CAND1: variants seen among roughly 807,000 people sequenced by gnomAD.
The protein encoded by CAND1 is cullin-associated NEDD8-dissociated protein 1.
Under a neutral mutation model 108.5 loss-of-function variants are expected in CAND1, and 7 were observed. The observed-to-expected ratio is 0.06, with a 90% CI of 0.04 to 0.12. The LOEUF (loss-of-function observed/expected upper bound fraction) is 0.12, where lower values mean the gene tolerates loss of function less well. CAND1 is among the 10% of genes least tolerant of loss of function. The pLI is 1.00. For missense variants in CAND1, 941 were observed against 1,448.7 expected (o/e 0.65, Z 5.69); for synonymous variants, 534 against 512.0 (o/e 1.04, Z -0.58).
chr12:67,311,970 G>A (rs1453877035), intron 14 of CAND1, among the ~76,000 whole-genome samples, 170 bp downstream of exon 14: 2 of 151,974 alleles, frequency 1.3e-5, no homozygotes, highest in Non-Finnish European at 2.9e-5. Context: ...CCCTGTTAAC[G>A]GCTATTCTTA....
chr12:67,286,773 T>C (rs1468672608), intron 2 of CAND1, among the ~76,000 whole-genome samples: 1 of 152,206 alleles, frequency 6.6e-6, no homozygotes, highest in Non-Finnish European at 1.5e-5. Flanking sequence ...CAAATAAGAT[T>C]TCTGATTTTA....
At position 67,315,557 on chromosome 12, in the gene CAND1, C is replaced by T. The variant is rs569162059; in HGVS notation, c.*2727C>T. The T allele has an allele frequency of 6.7e-4, 101 of 150,334 alleles. No individual in the cohort carries two copies. The highest frequency in any genetic ancestry group is 2.4e-3 in the African/African-American group (98 of 40,672). 9.3% of individuals were successfully genotyped at this position (150,334 alleles called of 1,614,324 possible). A position where few individuals can be genotyped will look rare whatever the true frequency, so the allele number is the denominator to read the frequency against. ...CACTGAATGATAATTTTTTTAATGA[C>T]AGTCATGTATTTTATTAATGATATC... On this transcript the variant is annotated 3_prime_UTR_variant, in exon 15 of 15. Coordinates refer to ENST00000545606, the MANE Select transcript of CAND1 (RefSeq NM_018448.5).
chr12:67,305,387 T>G lies in CAND1; in HGVS notation c.1719T>G (p.Ile573Met). The stretch of plus-strand genomic sequence containing the variant: ...TCAAAGATCTATTTACCTGTACCAT[T>G]AAGAGATTAAAAGCAGCTGACATTG... Reference protein sequence around the residue: ...PYIKDLFTCTIKRLKAADIDQ... With the variant: ...PYIKDLFTCTMKRLKAADIDQ... The change falls in exon 10 of 15, where the codon ATT becomes ATG. Residue 573 changes from isoleucine (I) to methionine (M), a missense_variant. Physicochemically the swap from Ile to Met is conservative, Grantham distance 10. This residue lies in a region of CAND1 where 697 missense variants were observed against 942.0 expected (regional missense o/e 0.74). Coordinates refer to ENST00000545606, the MANE Select transcript of CAND1 (RefSeq NM_018448.5). This position sits in a 1 kb window ranked among gnomAD's most constrained non-coding sequence, Gnocchi z 4.4. 1 of 1,614,052 alleles carries G rather than the reference T, an allele frequency of 6.2e-7. No individual in the cohort carries two copies. Among genetic ancestry groups the G allele is most frequent in the South Asian group, 1.1e-5 (1 of 91,080 alleles).
chr12:67,307,662 G>A (rs369812954), intron 11 of CAND1, among the ~76,000 whole-genome samples, 170 bp downstream of exon 11: 4 of 151,948 alleles, frequency 2.6e-5, no homozygotes, highest in African/African-American at 9.7e-5. Flanking sequence ...TGCCTGTATT[G>A]TTTGTAATTA....
At chr12:67,311,598 C>A in intron 13 of CAND1, 95 bp from the exon 14 acceptor site, 1 of 448,286 alleles carries the variant, frequency 2.2e-6, no homozygotes, top group Non-Finnish European at 3.8e-6. Flanking sequence ...ACTTTGCATG[C>A]TAGTTATTTT....
intron 13 of CAND1, 29 bp downstream of exon 13, chr12:67,310,345 GT>G: frequency 6.6e-7 from 1 of 1,513,442 alleles, no homozygotes; most frequent in Non-Finnish European, 9.0e-7. Context: ...TTTATACAAT[GT>G]TTTAGAAGAA....
Position 67,304,658 on chromosome 12 carries a change from G to A in CAND1, c.1347G>A (p.Lys449=). The A allele has an allele frequency of 6.2e-7, 1 of 1,613,882 alleles. No individual in the cohort carries two copies. ...AACAGATGAAAGAAAAAAGTGTGAA[G>A]ACCCGACAGTGTTGTTTTAACATGT... ...LHKQMKEKSV[K]TRQCCFNMLT... is the part of the protein sequence containing the mutation. The change falls in exon 9 of 15, where the codon AAG becomes AAA. Residue 449 remains lysine (K), a synonymous_variant. Coordinates refer to ENST00000545606, the MANE Select transcript of CAND1 (RefSeq NM_018448.5).
chr12:67,269,564 G>T lies in CAND1; in HGVS notation c.-154G>T, dbSNP rs1421982549. On this transcript the variant is annotated 5_prime_UTR_variant, in exon 1 of 15. The change creates a new upstream start codon in the 5' untranslated region. Coordinates refer to ENST00000545606, the MANE Select transcript of CAND1 (RefSeq NM_018448.5). Reference sequence around the variant, plus strand: ...CGCCAGGGAGGGGGCAGCCCGTCGAGGCGCCTCCCTAGTCAGCGTCGGCGT... The same window carrying T: ...CGCCAGGGAGGGGGCAGCCCGTCGATGCGCCTCCCTAGTCAGCGTCGGCGT... 12 of 613,680 alleles carry T rather than the reference G, an allele frequency of 2.0e-5. No homozygotes were observed. The South Asian group carries it at 2.5e-4, about 13-fold the overall frequency. The allele number at this position is 613,680 out of a possible 1,614,324, so 38.0% of individuals were successfully genotyped here.
intron 11 of CAND1, 27 bp from the exon 12 acceptor site, chr12:67,309,874 T>G: frequency 2.0e-6 from 3 of 1,527,724 alleles, no homozygotes; most frequent in Non-Finnish European, 2.7e-6. Flanking sequence ...ATCATGTCTG[T>G]CTGTTGCTTT....
In CAND1 at chr12:67,319,626, C is replaced by T. The variant is rs1221088220; in HGVS notation, c.*6796C>T. On this transcript the variant is annotated 3_prime_UTR_variant, in exon 15 of 15. Transcript: ENST00000545606. The stretch of plus-strand genomic sequence containing the variant: ...TCCTCCATACCATTGCTGATGGTTA[C>T]TGAGGGTATGGGAAGGGCCGACTAG... 1 of 152,214 alleles carries T rather than the reference C, an allele frequency of 6.6e-6. No individual in the cohort carries two copies. The highest frequency in any genetic ancestry group is 1.5e-5 in the Non-Finnish European group (1 of 68,040). The allele number at this position is 152,214 out of a possible 1,614,324, so 9.4% of individuals were successfully genotyped here.
At chr12:67,289,594 C>T (rs1430562127) in intron 2 of CAND1, among the ~76,000 whole-genome samples, 1 of 152,160 alleles carries the variant, frequency 6.6e-6, no homozygotes, top group Non-Finnish European at 1.5e-5. Context: ...ACCATGTTGC[C>T]CAGGCTGGGC....
rs1188874944 is a variant in CAND1 at position 67,314,522 on chromosome 12, G to A, written c.*1692G>A. 6.6e-6 allele frequency: 1 copy of A among 152,198 alleles called. No homozygotes were observed. The highest frequency in any genetic ancestry group is 1.5e-5 in the Non-Finnish European group (1 of 68,026). 9.4% of individuals were successfully genotyped at this position (152,198 alleles called of 1,614,324 possible). ...TTATTTTGAGATGTTAGTATATTAT[G>A]TACTATGCATTTCTGTGGTATAGAT... is the stretch of plus-strand genomic sequence containing the variant. On this transcript the variant is annotated 3_prime_UTR_variant, in exon 15 of 15. Transcript: ENST00000545606.
chr12:67,292,860 G>C, intron 3 of CAND1, 84 bp downstream of exon 3: 1 of 1,338,374 alleles, frequency 7.5e-7, no homozygotes, highest in Non-Finnish European at 1.1e-6. Flanking sequence ...TGGCCAAGGA[G>C]GGAGGGAGGT....
Position 67,316,618 on chromosome 12 carries a change from G to C in CAND1, c.*3788G>C, listed in dbSNP as rs753471803. ...GTTTCAGAATGATATTTAGTAGACA[G>C]AAATACCTAATTTTGTTTTGGAATC... On this transcript the variant is annotated 3_prime_UTR_variant, in exon 15 of 15. Coordinates refer to ENST00000545606, the MANE Select transcript of CAND1 (RefSeq NM_018448.5). The C allele has an allele frequency of 6.6e-6, 1 of 152,150 alleles. No homozygotes were observed. The highest frequency in any genetic ancestry group is 1.5e-5 in the Non-Finnish European group (1 of 68,030). The allele number at this position is 152,150 out of a possible 1,614,324, so 9.4% of individuals were successfully genotyped here.
chr12:67,296,043 C>T (rs1289363776), intron 4 of CAND1, among the ~76,000 whole-genome samples: 3 of 151,916 alleles, frequency 2.0e-5, no homozygotes, highest in Admixed American at 6.6e-5. Flanking sequence ...AAGTAGTATG[C>T]GAATGGGGAA....
chr12:67,303,303 C>T (rs910499258), intron 8 of CAND1, among the ~76,000 whole-genome samples: 15 of 152,114 alleles, frequency 9.9e-5, no homozygotes, highest in African/African-American at 2.9e-4. Context: ...CAGATATTGC[C>T]AGGGATTAAA....
chr12:67,293,012 T>G (rs1421226357), intron 3 of CAND1: 1 of 437,246 alleles, frequency 2.3e-6, no homozygotes, highest in Non-Finnish European at 4.1e-6. Flanking sequence ...TGAAGGATTT[T>G]TATATGTTGG....
At chr12:67,277,408 TAAA>T (rs2044579557) in intron 1 of CAND1, among the ~76,000 whole-genome samples, 3 of 152,290 alleles carry the variant, frequency 2.0e-5, no homozygotes, top group Admixed American at 6.5e-5. Context: ...TCACAGCCAA[TAAA>T]GAAGCTTATC....
chr12:67,269,633 G>A lies in CAND1; in HGVS notation c.-85G>A. The stretch of plus-strand genomic sequence containing the variant: ...GCGGGAGCCGCCGCGAGCGAGAGGA[G>A]GAGCTCCAGTGGCGGCGGCGGCGGC... On this transcript the variant is annotated 5_prime_UTR_variant, in exon 1 of 15. Coordinates refer to ENST00000545606, the MANE Select transcript of CAND1 (RefSeq NM_018448.5). 8.3e-7 allele frequency: 1 copy of A among 1,202,390 alleles called. No individual in the cohort carries two copies. Among genetic ancestry groups the A allele is most frequent in the Non-Finnish European group, 1.2e-6 (1 of 831,480 alleles). 74.5% of individuals were successfully genotyped at this position (1,202,390 alleles called of 1,614,324 possible). A position where few individuals can be genotyped will look rare whatever the true frequency, so the allele number is the denominator to read the frequency against.
Sources: allele counts gnomAD v4.1 joint callset (sites outside exome capture counted in the v4.1 genomes callset), GRCh38; gene constraint gnomAD v4.1.1; regional missense constraint gnomAD v4.1.1; non-coding constraint Gnocchi (gnomAD v3.1); transcripts MANE v1.5; gene names NCBI Gene and HGNC (gene_info 2026-07-23, HGNC 2026-07-21).